Variants in TNFRSF10A observed in about 807,000 individuals in gnomAD.
The protein encoded by TNFRSF10A is tumor necrosis factor receptor superfamily member 10A.
A neutral mutation model predicts 42.8 loss-of-function variants in TNFRSF10A; 44 were observed. That is an observed-to-expected ratio of 1.03 (90% CI 0.81 to 1.32). The LOEUF (loss-of-function observed/expected upper bound fraction) is 1.32, where lower values mean the gene tolerates loss of function less well. Among genes scored for constraint, TNFRSF10A ranks in the 40% most tolerant of loss-of-function variants. The pLI is 0.00. For synonymous variants in TNFRSF10A, 259 were observed against 234.2 expected (o/e 1.11, Z -0.97); for missense variants, 680 against 602.0 (o/e 1.13, Z -1.36).
At chr8:23,220,055 C>T (rs768467976) in intron 1 of TNFRSF10A, among the ~76,000 whole-genome samples, 5 of 152,166 alleles carry the variant, frequency 3.3e-5, no homozygotes, top group Admixed American at 6.5e-5. Context: ...TGGCCACAGG[C>T]GAGTGTCTGA....
At chr8:23,202,915 TAC>T (rs931882916) in intron 2 of TNFRSF10A, among the ~76,000 whole-genome samples, 154 bp from the exon 3 acceptor site, 4 of 152,142 alleles carry the variant, frequency 2.6e-5, no homozygotes, top group African/African-American at 9.7e-5. Context: ...TCTGCATCTA[TAC>T]ACACCTCTGA....
rs772267982 is a variant in TNFRSF10A at position 23,224,826 on chromosome 8, G to A, written c.236C>T (p.Ala79Val). The change falls in exon 1 of 10, where the codon GCG (alanine) becomes GTG (valine). Residue 79 changes from alanine (A) to valine (V), a missense_variant. Coordinates refer to ENST00000221132, the MANE Select transcript of TNFRSF10A (RefSeq NM_003844.4). ...CCGGAGCCGAGGGCTGGCTTCCCGC[G>A]CCGGCCTGGGTCCTGGGGCGCGCCC... ...RAGRAPGPRPAREASPRLRVH... is the reference protein window; with the variant it reads ...RAGRAPGPRPVREASPRLRVH... 3 of 1,565,428 alleles carry A rather than the reference G, an allele frequency of 1.9e-6. No homozygotes were observed. The highest frequency in any genetic ancestry group is 2.7e-5 in the African/African-American group (2 of 73,980).
chr8:23,210,670 A>C (rs1180671817), intron 2 of TNFRSF10A, among the ~76,000 whole-genome samples: 1 of 152,250 alleles, frequency 6.6e-6, no homozygotes, highest in African/African-American at 2.4e-5. Context: ...CAACAGAGTG[A>C]GACTCCATCT....
chr8:23,216,913 T>C (rs1408240327), intron 1 of TNFRSF10A, among the ~76,000 whole-genome samples: 2 of 152,234 alleles, frequency 1.3e-5, no homozygotes, highest in Non-Finnish European at 2.9e-5. Flanking sequence ...TTATTTTGTT[T>C]TAAATGTATT....
Position 23,200,542 on chromosome 8 carries a change from C to G in TNFRSF10A, c.762G>C (p.Leu254Phe). Residue 254 changes from leucine (L) to phenylalanine (F), a missense_variant, in exon 6 of 10, where the codon TTG (leucine) becomes TTC (phenylalanine). Coordinates refer to ENST00000221132, the MANE Select transcript of TNFRSF10A (RefSeq NM_003844.4). The stretch of plus-strand genomic sequence containing the variant: ...AACAACAGACAATCAGCACAGCCAC[C>G]AACAGCAACGGAACAACCAAAGTCA... ...LVVTLVVPLL[L>F]VAVLIVCCCI... is the part of the protein sequence containing the mutation. The G allele has an allele frequency of 1.2e-6, 2 of 1,614,196 alleles. No individual in the cohort carries two copies. The highest frequency in any genetic ancestry group is 2.2e-5 in the South Asian group (2 of 91,088).
Position 23,224,967 on chromosome 8 carries a change from G to T in TNFRSF10A, c.95C>A (p.Ala32Asp), listed in dbSNP as rs753799152. Residue 32 changes from alanine (A) to aspartate (D), a missense_variant, in exon 1 of 10, where the codon GCC becomes GAC. Ala to Asp is a moderately radical substitution (Grantham distance 126). Coordinates refer to ENST00000221132, the MANE Select transcript of TNFRSF10A (RefSeq NM_003844.4). ...AGAGCCCCACACTTTGCTGGGTGTG[G>T]CCGCGGCTGCCTCTGTCCCACTCGC... is the stretch of plus-strand genomic sequence containing the variant. ...SAASGTEAAA[A>D]TPSKVWGSSA... 15 of 1,598,964 alleles carry T rather than the reference G, an allele frequency of 9.4e-6. No homozygotes were observed. Among genetic ancestry groups the T allele is most frequent in the Non-Finnish European group, 1.2e-5 (14 of 1,172,812 alleles).
Position 23,225,040 on chromosome 8 carries a change from C to T in TNFRSF10A, c.22G>A (p.Val8Ile), listed in dbSNP as rs765147198. 2 of 1,544,350 alleles carry T rather than the reference C, an allele frequency of 1.3e-6. No individual in the cohort carries two copies. The highest frequency in any genetic ancestry group is 3.8e-5 in the Admixed American group (2 of 52,450). Reference protein sequence around the residue: MAPPPARVHLGAFLAVTP... With the variant: MAPPPARIHLGAFLAVTP... ...ACTGCCAGGAACGCACCTAGATGTA[C>T]TCTAGCTGGTGGTGGCGCCATCCTG... The change falls in exon 1 of 10, where the codon GTA becomes ATA. Residue 8 changes from valine (V) to isoleucine (I), a missense_variant. Physicochemically the swap from Val to Ile is conservative, Grantham distance 29. Transcript: ENST00000221132.
At chr8:23,220,402 C>T (rs185648856) in intron 1 of TNFRSF10A, among the ~76,000 whole-genome samples, 115 of 152,358 alleles carry the variant, frequency 7.5e-4, no homozygotes, top group African/African-American at 2.6e-3. Flanking sequence ...ATTCTGAAGG[C>T]TCTGAAGCTT....
At position 23,225,091 on chromosome 8, in the gene TNFRSF10A, C is replaced by G. The variant is rs779620749; in HGVS notation, c.-30G>C. ...CCAGGTCAATCCAAGAAGCAGCGTG[C>G]TTGGCTATGACAAGACAGAACTTCG... On this transcript the variant is annotated 5_prime_UTR_variant, in exon 1 of 10. Coordinates refer to ENST00000221132, the MANE Select transcript of TNFRSF10A (RefSeq NM_003844.4). 2.7e-6 allele frequency: 4 copies of G among 1,481,116 alleles called. No homozygotes were observed. Among genetic ancestry groups the G allele is most frequent in the Non-Finnish European group, 3.6e-6 (4 of 1,118,106 alleles). 91.7% of individuals were successfully genotyped at this position (1,481,116 alleles called of 1,614,324 possible).
chr8:23,217,928 G>A (rs1302944395), intron 1 of TNFRSF10A, among the ~76,000 whole-genome samples: 6 of 152,194 alleles, frequency 3.9e-5, no homozygotes, highest in East Asian at 3.9e-4. Context: ...CAGGGACACC[G>A]GTAGACATAG....
rs535584981 is a variant in TNFRSF10A at position 23,224,495 on chromosome 8, G to C, written c.306+261C>G. 28 of 519,564 alleles carry C rather than the reference G, an allele frequency of 5.4e-5. No homozygotes were observed. In the East Asian group the frequency reaches 9.5e-4, roughly 18 times the overall value. 32.2% of individuals were successfully genotyped at this position (519,564 alleles called of 1,614,324 possible). The stretch of plus-strand genomic sequence containing the variant: ...TGAGGTGTGGGCAGGAGGGAGACGC[G>C]CCAGGCAGCAGCCAACGGGGTGGAG... On this transcript the variant is annotated intron_variant, in intron 1 of 9. Transcript: ENST00000221132.
intron 2 of TNFRSF10A, among the ~76,000 whole-genome samples, chr8:23,208,427 G>C (rs536562434): frequency 6.6e-6 from 1 of 152,182 alleles, no homozygotes; most frequent in African/African-American, 2.4e-5. Flanking sequence ...AAACTTACTT[G>C]GTCCTGGTAT....
chr8:23,206,440 AT>A (rs1231568921), intron 2 of TNFRSF10A, among the ~76,000 whole-genome samples: 1 of 152,150 alleles, frequency 6.6e-6, no homozygotes, highest in Non-Finnish European at 1.5e-5. Context: ...TTTATACCAT[AT>A]TTTTATTGGG....
intron 1 of TNFRSF10A, among the ~76,000 whole-genome samples, chr8:23,220,025 T>G (rs1032597824): frequency 6.6e-6 from 1 of 152,158 alleles, no homozygotes; most frequent in Non-Finnish European, 1.5e-5. Context: ...CTGTAAAATG[T>G]GATGATTCAC....
chr8:23,213,534 G>A (rs1170039411), intron 1 of TNFRSF10A, among the ~76,000 whole-genome samples: 4 of 68,070 alleles, frequency 5.9e-5, no homozygotes, highest in Non-Finnish European at 1.2e-4. Flanking sequence ...TGCAAGCTCC[G>A]CTTCCCAGGT....
intron 1 of TNFRSF10A, among the ~76,000 whole-genome samples, chr8:23,217,188 T>A (rs764674348): frequency 5.3e-5 from 8 of 152,192 alleles, no homozygotes; most frequent in Non-Finnish European, 8.8e-5. Context: ...ATATACACAT[T>A]TATGATTATT....
In TNFRSF10A at chr8:23,190,670, T is replaced by C. The variant is rs1159383759; in HGVS notation, c.*1024A>G. 1 of 152,208 alleles carries C rather than the reference T, an allele frequency of 6.6e-6. No homozygotes were observed. The highest frequency in any genetic ancestry group is 1.5e-5 in the Non-Finnish European group (1 of 68,036). 9.4% of individuals were successfully genotyped at this position (152,208 alleles called of 1,614,324 possible). A position where few individuals can be genotyped will look rare whatever the true frequency, so the allele number is the denominator to read the frequency against. On this transcript the variant is annotated 3_prime_UTR_variant, in exon 10 of 10. Coordinates refer to ENST00000221132, the MANE Select transcript of TNFRSF10A (RefSeq NM_003844.4). ...GCCACCATCTTATATGCTGTTCCCTTGACTGAAATGTTGTGGGGTAAATGA... is the reference window on the plus strand; with the variant it reads ...GCCACCATCTTATATGCTGTTCCCTCGACTGAAATGTTGTGGGGTAAATGA...
intron 1 of TNFRSF10A, among the ~76,000 whole-genome samples, chr8:23,212,949 G>T (rs1315186288): frequency 6.6e-6 from 1 of 152,194 alleles, no homozygotes; most frequent in African/African-American, 2.4e-5. Context: ...CTCCAACTCA[G>T]TTTCTTGGAA....
At chr8:23,195,383 A>G (rs1267815082) in intron 9 of TNFRSF10A, among the ~76,000 whole-genome samples, 3 of 152,192 alleles carry the variant, frequency 2.0e-5, no homozygotes, top group African/African-American at 7.2e-5. Flanking sequence ...TACTTTAAGT[A>G]TATTGAGTAT....
Sources: allele counts gnomAD v4.1 joint callset (sites outside exome capture counted in the v4.1 genomes callset), GRCh38; gene constraint gnomAD v4.1.1; transcripts MANE v1.5; gene names NCBI Gene and HGNC (gene_info 2026-07-23, HGNC 2026-07-21).